TMTC4: variants seen among roughly 807,000 people sequenced by gnomAD.
The protein encoded by TMTC4 is transmembrane O-mannosyltransferase targeting cadherins 4.
In TMTC4, 65 loss-of-function variants were observed where a neutral mutation model predicts 86.0. That is an observed-to-expected ratio of 0.76 (90% CI 0.62 to 0.93). TMTC4 has a LOEUF of 0.93. TMTC4 is among the 40% of genes least tolerant of loss of function. The pLI is 0.00. For synonymous variants in TMTC4, 379 were observed against 382.5 expected, an observed-to-expected ratio of 0.99 and a Z score of 0.11; for missense variants, 866 against 948.1, an observed-to-expected ratio of 0.91 and a Z score of 1.14.
At chr13:100,649,115 T>TTA (rs1420923039) in intron 6 of TMTC4, among the ~76,000 whole-genome samples, 2 of 152,204 alleles carry the variant, frequency 1.3e-5, no homozygotes, top group Non-Finnish European at 2.9e-5. Context: ...GGAGTCCTCT[T>TTA]TATATATATG....
intron 5 of TMTC4, among the ~76,000 whole-genome samples, chr13:100,661,850 T>G: frequency 6.6e-6 from 1 of 152,200 alleles, no homozygotes. Flanking sequence ...GATATTTCAA[T>G]CCCTAAGAAA....
chr13:100,653,270 T>C (rs1454818161), intron 6 of TMTC4, among the ~76,000 whole-genome samples: 1 of 152,198 alleles, frequency 6.6e-6, no homozygotes, highest in Non-Finnish European at 1.5e-5. Flanking sequence ...GAAAAGTCGC[T>C]AAGAACAGTG....
chr13:100,644,398 C>T (rs527614640), intron 6 of TMTC4, among the ~76,000 whole-genome samples: 62 of 151,478 alleles, frequency 4.1e-4, no homozygotes, highest in African/African-American at 1.4e-3. Context: ...TTATTGCGCC[C>T]GGCCGGGAGG....
intron 3 of TMTC4, among the ~76,000 whole-genome samples, chr13:100,665,140 C>T (rs543652412): frequency 7.2e-4 from 110 of 152,194 alleles, no homozygotes; most frequent in African/African-American, 2.6e-3. Context: ...GCTCTTACTG[C>T]TGAGATAATT....
chr13:100,641,364 T>G (rs1566608154), intron 7 of TMTC4, among the ~76,000 whole-genome samples: 3 of 152,210 alleles, frequency 2.0e-5, no homozygotes, highest in African/African-American at 7.2e-5. Flanking sequence ...TGGGTGGTGA[T>G]TAACTATAAC....
In TMTC4 at chr13:100,605,211, G is replaced by T. The variant is rs756813672; in HGVS notation, c.2135-69C>A. 2 of 1,514,156 alleles carry T rather than the reference G, an allele frequency of 1.3e-6. No individual in the cohort carries two copies. The highest frequency in any genetic ancestry group is 1.8e-6 in the Non-Finnish European group (2 of 1,125,960). The allele number at this position is 1,514,156 out of a possible 1,614,324, so 93.8% of individuals were successfully genotyped here. ...AACGTGCCGTATTCCTACCCTCTTG[G>T]ACAAAGAAATATTACAGATCCTATG... On this transcript the variant is annotated intron_variant, in intron 18 of 18. Coordinates refer to ENST00000342624, the MANE Select transcript of TMTC4 (RefSeq NM_032813.5). The surrounding 1 kb of genome is among the most constrained non-coding windows in gnomAD (Gnocchi z 4.3).
chr13:100,652,457 C>G (rs898024236), intron 6 of TMTC4, among the ~76,000 whole-genome samples: 1 of 152,062 alleles, frequency 6.6e-6, no homozygotes, highest in African/African-American at 2.4e-5. Flanking sequence ...CCAGCCTGGG[C>G]AACAGAGCAA....
At chr13:100,674,857 C>G (rs945881419), upstream of TMTC4, 4 of 972,226 alleles carry the variant, frequency 4.1e-6, no homozygotes, top group Non-Finnish European at 4.9e-6. Flanking sequence ...CGCACCCGAC[C>G]CCCCCCGCGC....
At chr13:100,633,560 C>T (rs995520955) in intron 12 of TMTC4, among the ~76,000 whole-genome samples, 1 of 152,158 alleles carries the variant, frequency 6.6e-6, no homozygotes, top group African/African-American at 2.4e-5. Context: ...TACCAGATTG[C>T]TTCAAACAAA....
intron 16 of TMTC4, among the ~76,000 whole-genome samples, chr13:100,612,800 T>G (rs1322073566): frequency 6.6e-6 from 1 of 152,164 alleles, no homozygotes; most frequent in African/African-American, 2.4e-5. Context: ...AGTTTTAATT[T>G]TTTCCCAGAT....
At chr13:100,619,328 GACACACACACAC>G (rs34662519) in intron 15 of TMTC4, among the ~76,000 whole-genome samples, 6,051 of 145,750 alleles carry the variant, frequency 0.042, 228 homozygotes, top group Admixed American at 0.095. Flanking sequence ...AATAAAAGCA[GACACACACACAC>G]ACACACACAC....
chr13:100,608,550 C>T (rs899012289), intron 17 of TMTC4, among the ~76,000 whole-genome samples: 1 of 152,140 alleles, frequency 6.6e-6, no homozygotes, highest in Non-Finnish European at 1.5e-5. Context: ...ATCCAAGTCA[C>T]GGGGGCAGCC....
At chr13:100,633,258 G>A (rs1175827205) in intron 12 of TMTC4, among the ~76,000 whole-genome samples, 31 of 144,450 alleles carry the variant, frequency 2.1e-4, no homozygotes, top group African/African-American at 7.8e-4. Context: ...GCAGTGAGCC[G>A]AGATCAGGCC....
chr13:100,622,766 TTC>T (rs1199310854), intron 15 of TMTC4, among the ~76,000 whole-genome samples: 1 of 152,154 alleles, frequency 6.6e-6, no homozygotes, highest in African/African-American at 2.4e-5. Flanking sequence ...ACTTTAGTAT[TTC>T]TTTTTTTTTA....
intron 15 of TMTC4, among the ~76,000 whole-genome samples, chr13:100,618,702 T>C (rs887659670): frequency 2.0e-5 from 3 of 152,124 alleles, no homozygotes; most frequent in African/African-American, 7.2e-5. Flanking sequence ...TTAACGAGCA[T>C]GCTGCCTTCA....
intron 5 of TMTC4, among the ~76,000 whole-genome samples, chr13:100,658,816 A>T (rs1312469240): frequency 1.3e-5 from 2 of 152,226 alleles, no homozygotes; most frequent in African/African-American, 4.8e-5. Flanking sequence ...CAAAATTTTT[A>T]AAGTATGGGA....
intron 6 of TMTC4, among the ~76,000 whole-genome samples, chr13:100,654,137 T>G (rs1342796833): frequency 6.6e-6 from 1 of 152,194 alleles, no homozygotes; most frequent in East Asian, 1.9e-4. Context: ...AGTCCACCTA[T>G]CTGTCTTTTA....
chr13:100,618,501 A>AT (rs1249181443), intron 15 of TMTC4, among the ~76,000 whole-genome samples: 105 of 45,674 alleles, frequency 2.3e-3, no homozygotes, highest in African/African-American at 7.4e-3. Context: ...ATTTTATTTT[A>AT]TTTTTTTATT....
chr13:100,639,581 T>TAGC (rs1882747215), intron 7 of TMTC4, among the ~76,000 whole-genome samples: 2 of 152,186 alleles, frequency 1.3e-5, no homozygotes, highest in African/African-American at 4.8e-5. Context: ...TTTTTGAGAA[T>TAGC]AGCTACCTTT....
Sources: allele counts gnomAD v4.1 joint callset (sites outside exome capture counted in the v4.1 genomes callset), GRCh38; gene constraint gnomAD v4.1.1; non-coding constraint Gnocchi (gnomAD v3.1); transcripts MANE v1.5; gene names NCBI Gene and HGNC (gene_info 2026-07-23, HGNC 2026-07-21).